CTNNA2: variants seen among roughly 807,000 people sequenced by gnomAD.
The protein encoded by CTNNA2 is catenin alpha-2.
In CTNNA2, 42 loss-of-function variants were observed where a neutral mutation model predicts 101.0. That is an observed-to-expected ratio of 0.42 (90% CI 0.32 to 0.54). The LOEUF (loss-of-function observed/expected upper bound fraction) is 0.54, where lower values mean the gene tolerates loss of function less well. Among genes scored for constraint, CTNNA2 ranks in the 20% least tolerant of loss-of-function variants. The probability of loss-of-function intolerance (pLI) is 0.14; values close to 1 mark genes in which losing one functional copy is unlikely to be tolerated. For synonymous variants in CTNNA2, 450 were observed against 456.4 expected, an observed-to-expected ratio of 0.99 and a Z score of 0.18; for missense variants, 871 against 1,223.1, an observed-to-expected ratio of 0.71 and a Z score of 4.29.
chr2:79,837,665 T>C (rs1351741728), intron 3 of CTNNA2, among the ~76,000 whole-genome samples: 1 of 152,110 alleles, frequency 6.6e-6, no homozygotes, highest in African/African-American at 2.4e-5. Context: ...TCTCTTCTCC[T>C]ATACCAATTG....
At position 79,519,074 on chromosome 2, in the gene CTNNA2, C is replaced by T. The variant is rs13412100; in HGVS notation, c.-6+5867C>T. Reference sequence around the variant, plus strand: ...TGAAACCCTGTCTCTACTAAAAATACAAAAATTAGCCAGGCATGGTGACGG... The same window carrying T: ...TGAAACCCTGTCTCTACTAAAAATATAAAAATTAGCCAGGCATGGTGACGG... On this transcript the variant is annotated intron_variant, in intron 1 of 18. Transcript: ENST00000402739. Among the ~76,000 whole-genome samples, 828 of 151,860 alleles carry T rather than the reference C, an allele frequency of 5.5e-3. 9 individuals are homozygous for T. Among genetic ancestry groups the T allele is most frequent in the African/African-American group, 0.018 (725 of 41,410 alleles).
intron 17 of CTNNA2, among the ~76,000 whole-genome samples, chr2:80,618,527 T>C (rs1456748890): frequency 6.6e-6 from 1 of 151,780 alleles, no homozygotes; most frequent in East Asian, 2.0e-4. Context: ...GTCAAAAGAG[T>C]TGCAATTGTA....
At chr2:80,048,315 G>A (rs1021812427) in intron 7 of CTNNA2, among the ~76,000 whole-genome samples, 11 of 152,116 alleles carry the variant, frequency 7.2e-5, no homozygotes, top group African/African-American at 2.4e-4. Flanking sequence ...AAGAGAAAGT[G>A]GAAGACTTGC....
At chr2:80,333,954 T>C (rs1421703953) in intron 7 of CTNNA2, among the ~76,000 whole-genome samples, 2 of 152,142 alleles carry the variant, frequency 1.3e-5, no homozygotes, top group Non-Finnish European at 2.9e-5. Context: ...AGTCACCTGC[T>C]GCCTCTGCTT....
chr2:80,469,926 C>A (rs1004724728), intron 9 of CTNNA2, among the ~76,000 whole-genome samples: 2 of 152,110 alleles, frequency 1.3e-5, no homozygotes, highest in African/African-American at 4.8e-5. Flanking sequence ...TGTCAATATA[C>A]CTTGAAAAGG....
chr2:80,509,535 G>T (rs543805450), intron 9 of CTNNA2, among the ~76,000 whole-genome samples: 1 of 152,280 alleles, frequency 6.6e-6, no homozygotes, highest in East Asian at 1.9e-4. Context: ...GACTGAACTT[G>T]GATGTCTTCT....
chr2:80,567,259 T>C (rs1694144236), intron 12 of CTNNA2, among the ~76,000 whole-genome samples: 2 of 152,122 alleles, frequency 1.3e-5, no homozygotes, highest in South Asian at 2.1e-4. Flanking sequence ...AAATCACTAA[T>C]ATAAAATGGT....
intron 7 of CTNNA2, among the ~76,000 whole-genome samples, chr2:80,098,707 A>C (rs6547292): frequency 6.6e-6 from 1 of 151,974 alleles, no homozygotes; most frequent in Non-Finnish European, 1.5e-5. Flanking sequence ...CGGAAATGGC[A>C]GGCGCCCCTC....
At chr2:79,721,460 C>T (rs771364781) in intron 2 of CTNNA2, among the ~76,000 whole-genome samples, 2 of 152,168 alleles carry the variant, frequency 1.3e-5, no homozygotes, top group Non-Finnish European at 2.9e-5. Flanking sequence ...TCCTAATTAC[C>T]TCCCATTTCC....
rs565149639 is a variant in CTNNA2 at position 80,617,402 on chromosome 2, A to C, written c.2431-1683A>C. Among the ~76,000 whole-genome samples the C allele has an allele frequency of 9.9e-5, 15 of 151,816 alleles. 1 individual carries two copies. The South Asian group carries it at 2.5e-3, about 25-fold the overall frequency. ...CATTAATTGCAAAATCTCACACACA[A>C]AAAAAGCTGTTGAATATATAATTTG... On this transcript the variant is annotated intron_variant, in intron 17 of 18. Coordinates refer to ENST00000402739, the MANE Select transcript of CTNNA2 (RefSeq NM_001282597.3).
At chr2:80,166,966 C>T (rs1704736509) in intron 7 of CTNNA2, among the ~76,000 whole-genome samples, 1 of 151,856 alleles carries the variant, frequency 6.6e-6, no homozygotes, top group South Asian at 2.1e-4. Flanking sequence ...GAAAGAAAAC[C>T]CAGGGGACTC....
At chr2:80,534,408 C>T (rs1690812893) in intron 9 of CTNNA2, among the ~76,000 whole-genome samples, 2 of 152,174 alleles carry the variant, frequency 1.3e-5, no homozygotes, top group African/African-American at 4.8e-5. Flanking sequence ...GATCATAGAA[C>T]TGAGTGCCCT....
At chr2:79,426,686 T>G (rs1678595575) in intron 4 of CTNNA2, among the ~76,000 whole-genome samples, 2 of 152,256 alleles carry the variant, frequency 1.3e-5, no homozygotes, top group Admixed American at 1.3e-4. Context: ...TGTGGTACAA[T>G]TATTTTCACG....
At chr2:80,397,301 A>T (rs891471229) in intron 8 of CTNNA2, among the ~76,000 whole-genome samples, 3 of 152,142 alleles carry the variant, frequency 2.0e-5, no homozygotes, top group African/African-American at 7.2e-5. Flanking sequence ...AGTTATCTCC[A>T]TGTATTGACC....
intron 3 of CTNNA2, among the ~76,000 whole-genome samples, chr2:79,368,359 C>G (rs1677795764): frequency 6.6e-6 from 1 of 152,130 alleles, no homozygotes; most frequent in South Asian, 2.1e-4. Flanking sequence ...TCTTACTCTT[C>G]TGGGCTAAAT....
intron 7 of CTNNA2, among the ~76,000 whole-genome samples, chr2:80,078,114 A>G (rs1698877922): frequency 6.6e-6 from 1 of 152,130 alleles, no homozygotes; most frequent in Non-Finnish European, 1.5e-5. Context: ...GCTCTTAGTC[A>G]TTTTTTCAAC....
At chr2:79,520,878 G>T (rs1036724029) in intron 1 of CTNNA2, among the ~76,000 whole-genome samples, 3 of 151,918 alleles carry the variant, frequency 2.0e-5, no homozygotes, top group African/African-American at 7.3e-5. Context: ...TTGCTGGTGG[G>T]AATGTAATAC....
At chr2:79,729,398 G>A (rs150216702) in intron 2 of CTNNA2, among the ~76,000 whole-genome samples, 7 of 152,156 alleles carry the variant, frequency 4.6e-5, no homozygotes, top group African/African-American at 9.6e-5. Context: ...CAATCATTTG[G>A]CACCTAAGTA....
intron 4 of CTNNA2, among the ~76,000 whole-genome samples, chr2:79,482,546 G>A (rs1671120319): frequency 6.6e-6 from 1 of 152,054 alleles, no homozygotes; most frequent in Non-Finnish European, 1.5e-5. Flanking sequence ...TGTTACTCAG[G>A]TTAAATTTTT....
Sources: gnomAD v4.1 joint callset for allele counts (sites outside exome capture counted in the v4.1 genomes callset) on GRCh38, gnomAD v4.1.1 for gene constraint, MANE v1.5 for transcripts, NCBI Gene and HGNC (gene_info 2026-07-23, HGNC 2026-07-21) for gene names.